PLXNB3: variants seen among roughly 807,000 people sequenced by gnomAD.
PLXNB3 encodes the protein plexin-B3.
In PLXNB3, 80 loss-of-function variants were observed where a neutral mutation model predicts 125.7. The ratio of observed to expected loss-of-function variants is 0.64; its 90% confidence interval spans 0.53 to 0.77. PLXNB3 has a LOEUF of 0.77. Among genes scored for constraint, PLXNB3 ranks in the 30% least tolerant of loss-of-function variants. PLXNB3 has a pLI of 0.00. For synonymous variants in PLXNB3, 954 were observed against 783.3 expected (o/e 1.22, Z -3.64); for missense variants, 1,836 against 1,729.3 (o/e 1.06, Z -1.09).
Position 153,779,132 on chromosome X carries a change from G to A in PLXNB3, c.*93G>A. 1 of 643,936 alleles carries A rather than the reference G, an allele frequency of 1.6e-6. No individual in the cohort carries two copies. The highest frequency in any genetic ancestry group is 2.3e-6 in the Non-Finnish European group (1 of 437,486). The allele number at this position is 643,936 out of a possible 1,213,427, so 53.1% of individuals were successfully genotyped here. Reference sequence around the variant, plus strand: ...CCAGCCACTGAGGGGAGCTGGCAGAGCCTGGGGGCACAGGGTGCAAAGCCA... The same window carrying A: ...CCAGCCACTGAGGGGAGCTGGCAGAACCTGGGGGCACAGGGTGCAAAGCCA... On this transcript the variant is annotated 3_prime_UTR_variant, in exon 36 of 36. Transcript: ENST00000361971.
intron 28 of PLXNB3, 48 bp downstream of exon 28, chrX:153,776,507 G>A: frequency 3.0e-6 from 1 of 333,191 alleles, no homozygotes; most frequent in South Asian, 4.1e-5. Flanking sequence ...GGCGGGGCAG[G>A]GCGAGGCAGG....
Position 153,769,935 on chromosome X carries a change from G to A in PLXNB3, c.1625G>A (p.Gly542Asp), listed in dbSNP as rs1243554267. ...GGCCACCACCCCCGCCAGGAGCAGGGCCAGGTAAGCCGCCCACCACCACTG... is the reference window on the plus strand; with the variant it reads ...GGCCACCACCCCCGCCAGGAGCAGGACCAGGTAAGCCGCCCACCACCACTG... ...LPGHHPRQEQ[G>D]QVTLSVPRLP... Residue 542 changes from glycine to aspartate, a missense_variant, in exon 7 of 36, where the codon GGC becomes GAC. Coordinates refer to ENST00000361971, the MANE Select transcript of PLXNB3 (RefSeq NM_005393.3). 5.8e-6 allele frequency: 7 copies of A among 1,205,110 alleles called. No homozygotes were observed. The highest frequency in any genetic ancestry group is 7.8e-6 in the Non-Finnish European group (7 of 892,529).
intron 16 of PLXNB3, 149 bp downstream of exon 16, chrX:153,772,436 G>A (rs1450812117): frequency 2.0e-6 from 1 of 496,797 alleles, no homozygotes; most frequent in East Asian, 3.8e-5. Flanking sequence ...CATGTGAGTG[G>A]AGGTGGGCAG....
In PLXNB3 at chrX:153,776,226, A is replaced by G; in HGVS notation, c.4729+12A>G. 8.8e-7 allele frequency: 1 copy of G among 1,141,331 alleles called. No individual in the cohort carries two copies. Among genetic ancestry groups the G allele is most frequent in the Non-Finnish European group, 1.2e-6 (1 of 851,320 alleles). The allele number at this position is 1,141,331 out of a possible 1,213,427, so 94.1% of individuals were successfully genotyped here. On this transcript the variant is annotated intron_variant, in intron 27 of 35. Transcript: ENST00000361971. The stretch of plus-strand genomic sequence containing the variant: ...TGCCCTAGACCTTGGTGAGAGAGCC[A>G]GCCCTGCCCACCCACCCCAGGGACC...
chrX:153,770,620 G>C lies in PLXNB3; in HGVS notation c.1988G>C (p.Arg663Thr), dbSNP rs782481792. Residue 663 changes from arginine (R) to threonine (T), a missense_variant, in exon 10 of 36, where the codon AGG becomes ACG. Arg to Thr is a moderately conservative substitution (Grantham distance 71). Coordinates refer to ENST00000361971, the MANE Select transcript of PLXNB3 (RefSeq NM_005393.3). Reference protein sequence around the residue: ...VYGEHCPEGERTIYSAQEVDI... With the variant: ...VYGEHCPEGETTIYSAQEVDI... ...GGAGAGCACTGCCCAGAGGGCGAGA[G>C]GACCATCTACAGCGCCCAGGAGGTG... is the stretch of plus-strand genomic sequence containing the variant. The C allele has an allele frequency of 5.0e-5, 60 of 1,209,981 alleles. No individual in the cohort carries two copies. The highest frequency in any genetic ancestry group is 6.3e-5 in the Non-Finnish European group (56 of 894,788).
At chrX:153,778,533 G>A in intron 34 of PLXNB3, 62 bp downstream of exon 34, 1 of 1,180,494 alleles carries the variant, frequency 8.5e-7, no homozygotes, top group Non-Finnish European at 1.1e-6. Flanking sequence ...GCAGAGCAGA[G>A]GGGGGAGACT....
chrX:153,776,385 A>G lies in PLXNB3; in HGVS notation c.4759A>G (p.Thr1587Ala). Residue 1587 changes from threonine to alanine, a missense_variant, in exon 28 of 36, where the codon ACC becomes GCC. Coordinates refer to ENST00000361971, the MANE Select transcript of PLXNB3 (RefSeq NM_005393.3). ...EWRSGLAGHLTLSDEDLTSVT... is the reference protein window; with the variant it reads ...EWRSGLAGHLALSDEDLTSVT... ...GCGCTCAGGCCTGGCTGGTCACCTG[A>G]CCCTATCGGACGAAGACTTGACCTC... 4 of 1,191,775 alleles carry G rather than the reference A, an allele frequency of 3.4e-6. No homozygotes were observed. Among genetic ancestry groups the G allele is most frequent in the South Asian group, 3.6e-5 (2 of 56,060 alleles).
rs781882423 is a variant in PLXNB3, at chrX:153,773,568, G to A, written c.3134G>A (p.Arg1045Gln). The change falls in exon 19 of 36, where the codon CGG (arginine) becomes CAG (glutamine). Residue 1045 changes from arginine to glutamine, a missense_variant. Coordinates refer to ENST00000361971, the MANE Select transcript of PLXNB3 (RefSeq NM_005393.3). ...GGCACCGGCCTAGACGTGGTGCAGC[G>A]GCCCCTACTGTCTGTGTGGCTGGAG... is the stretch of plus-strand genomic sequence containing the variant. ...VRGTGLDVVQ[R>Q]PLLSVWLEAD... The A allele has an allele frequency of 1.1e-5, 13 of 1,204,179 alleles. No homozygotes were observed. The highest frequency in any genetic ancestry group is 5.9e-5 in the East Asian group (2 of 33,745).
chrX:153,768,192 C>T lies in PLXNB3; in HGVS notation c.1087-57C>T, dbSNP rs1255376838. ...CTCCCGCTGGCAGCCTGGGTACCCCCCCTGACTGCCTCTCTGCTCTCTTCC... is the reference window on the plus strand; with the variant it reads ...CTCCCGCTGGCAGCCTGGGTACCCCTCCTGACTGCCTCTCTGCTCTCTTCC... On this transcript the variant is annotated intron_variant, in intron 3 of 35. Transcript: ENST00000361971. The T allele has an allele frequency of 5.5e-6, 6 of 1,089,199 alleles. No individual in the cohort carries two copies. The South Asian group carries it at 1.1e-4, about 19-fold the overall frequency. 89.8% of individuals were successfully genotyped at this position (1,089,199 alleles called of 1,213,427 possible). A position where few individuals can be genotyped will look rare whatever the true frequency, so the allele number is the denominator to read the frequency against.
chrX:153,773,671 G>T lies in PLXNB3; in HGVS notation c.3237G>T (p.Ala1079=). Reference sequence around the variant, plus strand: ...GGAGGAGCTGTGGAGCCCCTGCTGCGGACCCCCAGGCTTGTATCCAGCTCG... The same window carrying T: ...GGAGGAGCTGTGGAGCCCCTGCTGCTGACCCCCAGGCTTGTATCCAGCTCG... The part of the protein sequence containing the change: ...QPRRSCGAPA[A]DPQACIQLGG... Residue 1079 remains alanine, a synonymous_variant, in exon 19 of 36, where the codon GCG becomes GCT. Coordinates refer to ENST00000361971, the MANE Select transcript of PLXNB3 (RefSeq NM_005393.3). The T allele has an allele frequency of 8.5e-7, 1 of 1,174,302 alleles. No individual in the cohort carries two copies. The highest frequency in any genetic ancestry group is 3.0e-5 in the East Asian group (1 of 33,203).
chrX:153,767,906 T>C lies in PLXNB3; in HGVS notation c.1079T>C (p.Leu360Pro). 1 of 1,091,773 alleles carries C rather than the reference T, an allele frequency of 9.2e-7. No homozygotes were observed. The allele number at this position is 1,091,773 out of a possible 1,213,427, so 90.0% of individuals were successfully genotyped here. A position where few individuals can be genotyped will look rare whatever the true frequency, so the allele number is the denominator to read the frequency against. ...EYGVTSRCVT[L>P]PLDSPESYPC... ...GGCGTCACGTCGCGCTGCGTCACCC[T>C]GCCCCTTGTGAGTGGCATGCCCTTC... The change falls in exon 3 of 36, where the codon CTG becomes CCG. Residue 360 changes from leucine to proline, a missense_variant. Coordinates refer to ENST00000361971, the MANE Select transcript of PLXNB3 (RefSeq NM_005393.3).
rs1392227417 is a variant in PLXNB3, at chrX:153,766,415, C to T, written c.46-458C>T. 1.9e-5 allele frequency: 20 copies of T among 1,077,698 alleles called. No homozygotes were observed. In the East Asian group the frequency reaches 5.3e-4, roughly 28 times the overall value. 88.8% of individuals were successfully genotyped at this position (1,077,698 alleles called of 1,213,427 possible). A position where few individuals can be genotyped will look rare whatever the true frequency, so the allele number is the denominator to read the frequency against. ...AGATCTCTCTTGTCTGGGTGGTGGG[C>T]GCAGGGGCGCGCTGTGACACAGCTT... On this transcript the variant is annotated intron_variant, in intron 2 of 35. Transcript: ENST00000361971.
rs2091866955 is a variant in PLXNB3, at chrX:153,767,086, G to C, written c.259G>C (p.Ala87Pro). The C allele has an allele frequency of 8.3e-7, 1 of 1,209,139 alleles. No homozygotes were observed. The highest frequency in any genetic ancestry group is 2.2e-5 in the Admixed American group (1 of 45,979). The change falls in exon 3 of 36, where the codon GCT becomes CCT. Residue 87 changes from alanine to proline, a missense_variant. Physicochemically the swap from Ala to Pro is conservative, Grantham distance 27. Coordinates refer to ENST00000361971, the MANE Select transcript of PLXNB3 (RefSeq NM_005393.3). ...LSPELQLEAV[A>P]VTGPVIDSPD... ...CCCCGAGCTGCAGCTCGAGGCCGTGGCTGTCACTGGCCCTGTAATCGACAG... is the reference window on the plus strand; with the variant it reads ...CCCCGAGCTGCAGCTCGAGGCCGTGCCTGTCACTGGCCCTGTAATCGACAG...
rs782230864 is a variant in PLXNB3, at chrX:153,769,070, C to T, written c.1389C>T (p.Ala463=). The T allele has an allele frequency of 1.7e-6, 2 of 1,208,168 alleles. No homozygotes were observed. The highest frequency in any genetic ancestry group is 1.7e-5 in the African/African-American group (1 of 57,535). The stretch of plus-strand genomic sequence containing the variant: ...GCAGTCACCTCTATGTCCTGACTGC[C>T]CACCAGGTGAGGGCCATCCTGGGGC... ...SSGSHLYVLT[A]HQVDRIPVAA... is the part of the protein sequence containing the mutation. Residue 463 remains alanine, a synonymous_variant, in exon 5 of 36, where the codon GCC becomes GCT. Transcript: ENST00000361971.
Position 153,770,974 on chromosome X carries a change from G to C in PLXNB3, c.2146G>C (p.Ala716Pro), listed in dbSNP as rs782099950. Reference sequence around the variant, plus strand: ...CAGCGTCCTTCCCCAGGGCCTGCCTGCCTCCTTCCACTGCTGGCTGGAGCT... The same window carrying C: ...CAGCGTCCTTCCCCAGGGCCTGCCTCCCTCCTTCCACTGCTGGCTGGAGCT... ...RNLQHFRGLPASFHCWLELPG... is the reference protein window; with the variant it reads ...RNLQHFRGLPPSFHCWLELPG... Residue 716 changes from alanine (A) to proline (P), a missense_variant, in exon 12 of 36, where the codon GCC (alanine) becomes CCC (proline). By Grantham distance (27) the Ala-to-Pro change is conservative. Coordinates refer to ENST00000361971, the MANE Select transcript of PLXNB3 (RefSeq NM_005393.3). 2 of 1,210,843 alleles carry C rather than the reference G, an allele frequency of 1.7e-6. No homozygotes were observed. Among genetic ancestry groups the C allele is most frequent in the Non-Finnish European group, 2.2e-6 (2 of 895,217 alleles).
intron 25 of PLXNB3, 35 bp downstream of exon 25, chrX:153,775,438 G>A: frequency 1.7e-6 from 2 of 1,190,920 alleles, no homozygotes; most frequent in Non-Finnish European, 1.1e-6. Flanking sequence ...GCGGGGGTGA[G>A]GGCTTGCCAC....
chrX:153,767,693 T>C lies in PLXNB3; in HGVS notation c.866T>C (p.Ile289Thr). ...CTCGCCTGCCAGGGCCAGGGCCTCA[T>C]CCAGGCCGCCTTCCTTGCCCCGGGC... ...VPLACQGQGL[I>T]QAAFLAPGTL... The change falls in exon 3 of 36, where the codon ATC becomes ACC. Residue 289 changes from isoleucine (I) to threonine (T), a missense_variant. Transcript: ENST00000361971. The C allele has an allele frequency of 8.4e-7, 1 of 1,185,564 alleles. No individual in the cohort carries two copies. Among genetic ancestry groups the C allele is most frequent in the Non-Finnish European group, 1.1e-6 (1 of 882,301 alleles).
rs782438884 is a variant in PLXNB3, at chrX:153,775,347, G to A, written c.4278G>A (p.Leu1426=). The A allele has an allele frequency of 1.7e-6, 2 of 1,209,566 alleles. No individual in the cohort carries two copies. The highest frequency in any genetic ancestry group is 1.8e-5 in the South Asian group (1 of 56,728). ...LEYLTDIMRT[L]LGDLAAHYVH... ...ACCTGACGGACATCATGAGGACCCT[G>A]CTGGGTGACCTGGCGGCCCATTACG... Residue 1426 remains leucine, a synonymous_variant, in exon 25 of 36, where the codon CTG becomes CTA. Coordinates refer to ENST00000361971, the MANE Select transcript of PLXNB3 (RefSeq NM_005393.3).
chrX:153,775,994 T>C lies in PLXNB3; in HGVS notation c.4509T>C (p.Asp1503=), dbSNP rs782303749. The C allele has an allele frequency of 4.2e-5, 51 of 1,208,853 alleles. No individual in the cohort carries two copies. Among genetic ancestry groups the C allele is most frequent in the Middle Eastern group, 2.3e-4 (1 of 4,371 alleles). The change falls in exon 27 of 36, where the codon GAT becomes GAC. Residue 1503 remains aspartate (D), a synonymous_variant. Transcript: ENST00000361971. ...GCAAGGCCAAACGGACCCTGAATGA[T>C]AGCCGCTTGCTGCGGGAGGACGTGG... The part of the protein sequence containing the change: ...VTGKAKRTLN[D]SRLLREDVEF...
Sources: allele counts gnomAD v4.1 joint callset, GRCh38; gene constraint gnomAD v4.1.1; transcripts MANE v1.5; gene names NCBI Gene and HGNC (gene_info 2026-07-23, HGNC 2026-07-21).